The following CALN1 variants were observed in gnomAD, a reference collection of about 807,000 sequenced individuals.
The protein encoded by CALN1 is calcium-binding protein 8.
CALN1 carries 17 observed loss-of-function variants against 30.6 expected under a neutral mutation model. The observed-to-expected ratio is 0.56, with a 90% confidence interval of 0.38 to 0.83. The LOEUF (loss-of-function observed/expected upper bound fraction) is 0.83, where lower values mean the gene tolerates loss of function less well. Ranked by LOEUF, CALN1 falls within the 40% of genes least tolerant of loss-of-function variation. The pLI is 0.00. For synonymous variants in CALN1, 156 were observed against 131.4 expected, an observed-to-expected ratio of 1.19 and a Z score of -1.28; for missense variants, 291 against 354.9, an observed-to-expected ratio of 0.82 and a Z score of 1.45.
intron 5 of CALN1, among the ~76,000 whole-genome samples, chr7:71,902,214 A>C (rs1793889908): frequency 1.3e-5 from 2 of 151,134 alleles, no homozygotes; most frequent in South Asian, 4.2e-4. Context: ...ACAATGCGAG[A>C]CTCCGTCTCA....
At chr7:72,010,124 T>C (rs1196206662) in intron 5 of CALN1, among the ~76,000 whole-genome samples, 1 of 152,166 alleles carries the variant, frequency 6.6e-6, no homozygotes, top group Admixed American at 6.5e-5. Flanking sequence ...AATCCATGAC[T>C]GCTGTCTGTG....
chr7:72,245,141 G>C (rs1472599335), intron 3 of CALN1, among the ~76,000 whole-genome samples: 1 of 152,184 alleles, frequency 6.6e-6, no homozygotes, highest in Admixed American at 6.5e-5. Flanking sequence ...CGCTGGAGGT[G>C]CTATGTAGGG....
chr7:72,398,483 T>C (rs867161993), intron 2 of CALN1, among the ~76,000 whole-genome samples: 13 of 152,198 alleles, frequency 8.5e-5, no homozygotes, highest in African/African-American at 3.1e-4. Context: ...ATAGTGCACA[T>C]CCACTTCTCC....
In CALN1 at chr7:72,378,555, G is replaced by A. The variant is rs544202312; in HGVS notation, c.119+24696C>T. 2.0e-5 allele frequency among the ~76,000 whole-genome samples: 3 copies of A among 152,236 alleles called. No homozygotes were observed. In the East Asian group the frequency reaches 5.8e-4, roughly 29 times the overall value. ...ACTCTCTAGTTAATCACTTCAAGTA[G>A]AATGTAAAAATCTTACCGGCACGTA... is the stretch of plus-strand genomic sequence containing the variant. On this transcript the variant is annotated intron_variant, in intron 2 of 6. Coordinates refer to ENST00000395275, the MANE Select transcript of CALN1 (RefSeq NM_031468.4).
intron 2 of CALN1, among the ~76,000 whole-genome samples, chr7:72,326,498 T>TC (rs1801288281): frequency 6.6e-6 from 1 of 152,232 alleles, no homozygotes; most frequent in Non-Finnish European, 1.5e-5. Flanking sequence ...AAATGAATCA[T>TC]CAGCCACAGA....
chr7:71,888,102 A>G (rs1486799865), intron 5 of CALN1, among the ~76,000 whole-genome samples: 2 of 152,150 alleles, frequency 1.3e-5, no homozygotes, highest in African/African-American at 4.8e-5. Context: ...ATAGGATGGA[A>G]TAAGACCTCC....
In CALN1 at chr7:72,355,812, G is replaced by C. The variant is rs137867514; in HGVS notation, c.119+47439C>G. Among the ~76,000 whole-genome samples the C allele has an allele frequency of 7.0e-3, 1,069 of 152,288 alleles. 17 individuals carry two copies. Among genetic ancestry groups the C allele is most frequent in the African/African-American group, 0.025 (1,021 of 41,554 alleles). ...GACTCCATCAGAGTACAAGGGCACAGTTTAGGTTGAAGGAAATGTTTATGT... is the reference window on the plus strand; with the variant it reads ...GACTCCATCAGAGTACAAGGGCACACTTTAGGTTGAAGGAAATGTTTATGT... On this transcript the variant is annotated intron_variant, in intron 2 of 6. Coordinates refer to ENST00000395275, the MANE Select transcript of CALN1 (RefSeq NM_031468.4).
intron 2 of CALN1, among the ~76,000 whole-genome samples, chr7:72,336,289 C>T (rs1802028847): frequency 6.6e-6 from 1 of 152,160 alleles, no homozygotes; most frequent in Non-Finnish European, 1.5e-5. Context: ...GGTGCGGCTC[C>T]GAGTCCCCTG....
chr7:72,480,065 A>T, the CALN1 span, among the ~76,000 whole-genome samples: 9 of 152,270 alleles, frequency 5.9e-5, no homozygotes, highest in East Asian at 1.5e-3. Flanking sequence ...TAATTTTCCA[A>T]TTTTATGTTT....
In CALN1 at chr7:71,807,788, A is replaced by T. The variant is rs1787705771; in HGVS notation, c.658+2548T>A. Among the ~76,000 whole-genome samples the T allele has an allele frequency of 3.9e-5, 6 of 152,050 alleles. No individual in the cohort carries two copies. In the South Asian group the frequency reaches 1.2e-3, roughly 32 times the overall value. ...AACCCCATCTCTACTAAAAATACAA[A>T]AATTAGGCCGAGTGTGATGGCTCAC... On this transcript the variant is annotated intron_variant, in intron 6 of 6. Transcript: ENST00000395275.
intron 3 of CALN1, among the ~76,000 whole-genome samples, chr7:72,155,384 C>T (rs919444790): frequency 5.3e-5 from 8 of 151,292 alleles, no homozygotes; most frequent in African/African-American, 9.7e-5. Context: ...CCCAGCTACT[C>T]GGGAGGCTGA....
intron 3 of CALN1, among the ~76,000 whole-genome samples, chr7:72,204,350 T>G (rs1791674206): frequency 6.6e-6 from 1 of 151,948 alleles, no homozygotes; most frequent in Admixed American, 6.6e-5. Context: ...CACAGTTCGT[T>G]GTTGCCTTTG....
chr7:72,134,370 G>A (rs1326582570), intron 3 of CALN1, among the ~76,000 whole-genome samples: 1 of 152,130 alleles, frequency 6.6e-6, no homozygotes, highest in Non-Finnish European at 1.5e-5. Context: ...CAAAACCTAA[G>A]GAAACTTTTC....
chr7:71,974,417 CAAA>C (rs1052896558), intron 5 of CALN1, among the ~76,000 whole-genome samples: 30 of 55,032 alleles, frequency 5.5e-4, no homozygotes, highest in African/African-American at 1.2e-3. Context: ...GACTCCATCT[CAAA>C]AAAAAAAAAA....
chr7:72,487,890 A>AAAAGAAAGAAAG, the CALN1 span, among the ~76,000 whole-genome samples: 3 of 60,298 alleles, frequency 5.0e-5, no homozygotes, highest in Non-Finnish European at 9.0e-5. Flanking sequence ...GAAAGAAAAG[A>AAAAGAAAGAAAG]AAAGAAAGAA....
intron 3 of CALN1, among the ~76,000 whole-genome samples, chr7:72,119,570 T>C (rs1808234487): frequency 6.6e-6 from 1 of 151,522 alleles, no homozygotes; most frequent in South Asian, 2.1e-4. Context: ...AGTCTGTTTT[T>C]ACACTGCTGA....
intron 4 of CALN1, among the ~76,000 whole-genome samples, chr7:72,085,586 G>A (rs868070852): frequency 3.3e-5 from 5 of 152,192 alleles, no homozygotes; most frequent in Admixed American, 6.5e-5. Flanking sequence ...CCTTGGATAA[G>A]GAGGGGTTAT....
At chr7:71,993,012 TTGGAGAAGAAAGAGAAC>T (rs971274002) in intron 5 of CALN1, among the ~76,000 whole-genome samples, 1 of 103,668 alleles carries the variant, frequency 9.6e-6, no homozygotes, top group African/African-American at 7.7e-5. Flanking sequence ...AAGAGAACCA[TTGGAGAAGAAAGAGAAC>T]CATTGGAGAA....
At chr7:72,355,015 T>C (rs990250508) in intron 2 of CALN1, among the ~76,000 whole-genome samples, 5 of 151,430 alleles carry the variant, frequency 3.3e-5, no homozygotes, top group African/African-American at 9.7e-5. Context: ...GCTCAAGCCA[T>C]CCTCTCAACT....
Sources: allele counts gnomAD v4.1 joint callset (sites outside exome capture counted in the v4.1 genomes callset), GRCh38; gene constraint gnomAD v4.1.1; transcripts MANE v1.5; gene names NCBI Gene and HGNC (gene_info 2026-07-23, HGNC 2026-07-21).